The following CCNK variants were observed in gnomAD, a reference collection of about 807,000 sequenced individuals.
CCNK encodes cyclin-K.
Under a neutral mutation model 65.0 loss-of-function variants are expected in CCNK, and 9 were observed. The ratio of observed to expected loss-of-function variants is 0.14; its 90% confidence interval spans 0.08 to 0.24. The LOEUF is 0.24. CCNK is among the 10% of genes least tolerant of loss of function. The pLI is 1.00. For synonymous variants in CCNK, 279 were observed against 270.8 expected (o/e 1.03, Z -0.30); for missense variants, 474 against 720.0 (o/e 0.66, Z 3.91).
intron 1 of CCNK, among the ~76,000 whole-genome samples, chr14:99,482,337 A>G (rs769018132): frequency 2.0e-5 from 3 of 152,198 alleles, no homozygotes; most frequent in Non-Finnish European, 2.9e-5. Context: ...GTGCCCGCTA[A>G]AGGTTTGTAT....
At chr14:99,504,092 A>C in intron 9 of CCNK, 1 of 387,518 alleles carries the variant, frequency 2.6e-6, no homozygotes, top group Non-Finnish European at 5.1e-6. Context: ...CCTCTTTGAA[A>C]CACACTTGGG....
chr14:99,500,876 GA>G lies in CCNK; in HGVS notation c.517+7del. 1 of 1,485,788 alleles carries G rather than the reference GA, an allele frequency of 6.7e-7. No homozygotes were observed. The highest frequency in any genetic ancestry group is 9.1e-7 in the Non-Finnish European group (1 of 1,099,250). 92.0% of individuals were successfully genotyped at this position (1,485,788 alleles called of 1,614,324 possible). A position where few individuals can be genotyped will look rare whatever the true frequency, so the allele number is the denominator to read the frequency against. ...AATATGCAAAGCAACTCAAAGGTAA[GA>G]AGAAAGTTTTCAGAAGAATTTTTTC... On this transcript the variant is annotated splice_donor_region_variant and intron_variant, in intron 5 of 10. Transcript: ENST00000389879.
At chr14:99,483,651 A>AGGACATAG (rs1164216588) in intron 1 of CCNK, among the ~76,000 whole-genome samples, 1 of 152,278 alleles carries the variant, frequency 6.6e-6, no homozygotes, top group Non-Finnish European at 1.5e-5. Context: ...AAGTTTATTT[A>AGGACATAG]GGACATAGTC....
intron 1 of CCNK, 83 bp from the exon 2 acceptor site, chr14:99,492,543 C>A: frequency 1.3e-6 from 1 of 748,494 alleles, no homozygotes; most frequent in South Asian, 2.0e-5. Context: ...AAATAGTGAT[C>A]CCAAACCAGG....
At chr14:99,499,178 C>T (rs1039603177) in intron 4 of CCNK, among the ~76,000 whole-genome samples, 3 of 152,174 alleles carry the variant, frequency 2.0e-5, no homozygotes, top group Admixed American at 1.3e-4. Flanking sequence ...TAGGGGACTA[C>T]AGGCGCCTGC....
At chr14:99,483,394 A>G (rs922971753) in intron 1 of CCNK, among the ~76,000 whole-genome samples, 2 of 152,136 alleles carry the variant, frequency 1.3e-5, no homozygotes, top group East Asian at 3.9e-4. Context: ...ACAAAAAAAA[A>G]ATCAAAAAAT....
intron 10 of CCNK, chr14:99,509,631 G>A (rs892298445): frequency 2.4e-5 from 4 of 165,094 alleles, no homozygotes; most frequent in Non-Finnish European, 5.3e-5. Context: ...AGCCTCTCTT[G>A]AGTAGAATAG....
chr14:99,503,260 C>T (rs1896885680), intron 8 of CCNK: 41 of 639,732 alleles, frequency 6.4e-5, no homozygotes, highest in South Asian at 6.1e-4. Context: ...GGTGTCGTTG[C>T]CGTGTCCTAG....
At position 99,493,462 on chromosome 14, in the gene CCNK, A is replaced by G; in HGVS notation, c.198-52A>G. On this transcript the variant is annotated intron_variant, in intron 2 of 10. Coordinates refer to ENST00000389879, the MANE Select transcript of CCNK (RefSeq NM_001099402.2). ...TCTTTTTGTTTTTCTACATTTAACT[A>G]AGAGTATAACCTGTAAAAGTTATTG... is the stretch of plus-strand genomic sequence containing the variant. 4 of 1,099,766 alleles carry G rather than the reference A, an allele frequency of 3.6e-6. No homozygotes were observed. In the Middle Eastern group the frequency reaches 8.2e-4, roughly 226 times the overall value. 68.1% of individuals were successfully genotyped at this position (1,099,766 alleles called of 1,614,324 possible).
In CCNK at chr14:99,502,770, C is replaced by G; in HGVS notation, c.797C>G (p.Pro266Arg). The G allele has an allele frequency of 6.2e-7, 1 of 1,613,700 alleles. No individual in the cohort carries two copies. Among genetic ancestry groups the G allele is most frequent in the Non-Finnish European group, 8.5e-7 (1 of 1,179,700 alleles). ...DLYSQGKQQM[P>R]HHTPHQLQQP... Reference sequence around the variant, plus strand: ...TACTCACAAGGAAAACAACAGATGCCTCATCACACCCCCCATCAGCTGCAA... The same window carrying G: ...TACTCACAAGGAAAACAACAGATGCGTCATCACACCCCCCATCAGCTGCAA... Residue 266 changes from proline (P) to arginine (R), a missense_variant, in exon 8 of 11, where the codon CCT (proline) becomes CGT (arginine). Pro to Arg is a moderately radical substitution (Grantham distance 103, BLOSUM62 -2). This residue lies in a region of CCNK where 67 missense variants were observed against 150.2 expected (regional missense o/e 0.45). Coordinates refer to ENST00000389879, the MANE Select transcript of CCNK (RefSeq NM_001099402.2).
chr14:99,510,426 C>G lies in CCNK; in HGVS notation c.1387C>G (p.Pro463Ala), dbSNP rs1331644229. The change falls in exon 11 of 11, where the codon CCC becomes GCC. Residue 463 changes from proline (P) to alanine (A), a missense_variant. Around this residue, in one of 6 missense-constraint regions of CCNK, gnomAD observed 229 missense variants for 275.5 expected, o/e 0.83. Transcript: ENST00000389879. The stretch of plus-strand genomic sequence containing the variant: ...GGGACCCTCCTACGGTGCCCTGCCC[C>G]CCGCCTACGGCCCACCTGCACACCT... Reference protein sequence around the residue: ...TEGPSYGALPPAYGPPAHLPY... With the variant: ...TEGPSYGALPAAYGPPAHLPY... The G allele has an allele frequency of 6.5e-7, 1 of 1,548,210 alleles. No homozygotes were observed.
intron 4 of CCNK, 79 bp downstream of exon 4, chr14:99,495,708 C>T: frequency 1.6e-6 from 2 of 1,286,002 alleles, no homozygotes; most frequent in Non-Finnish European, 2.1e-6. Flanking sequence ...GTTGACAGTG[C>T]CTGTAGCCCT....
chr14:99,507,092 A>T lies in CCNK; in HGVS notation c.1062A>T (p.Lys354Asn). The T allele has an allele frequency of 6.2e-7, 1 of 1,610,728 alleles. No homozygotes were observed. Among genetic ancestry groups the T allele is most frequent in the Non-Finnish European group, 8.5e-7 (1 of 1,176,992 alleles). ...TCTTTGTAGAACCACCACCACCTAA[A>T]ATCCCCAAAATTGAGACCACTCATC... ...ENKAAEPPPPKIPKIETTHPP... is the reference protein window; with the variant it reads ...ENKAAEPPPPNIPKIETTHPP... Residue 354 changes from lysine to asparagine, a missense_variant, in exon 10 of 11, where the codon AAA becomes AAT. Around this residue, in one of 6 missense-constraint regions of CCNK, gnomAD observed 229 missense variants for 275.5 expected, o/e 0.83. Transcript: ENST00000389879.
intron 4 of CCNK, chr14:99,500,272 A>G (rs1212283915): frequency 6.5e-6 from 1 of 153,694 alleles, no homozygotes; most frequent in East Asian, 1.9e-4. Flanking sequence ...AATACACTAT[A>G]TGTGTACATG....
rs1160995415 is a variant in CCNK at position 99,511,896 on chromosome 14, C to T, written c.*1114C>T. ...CTGGAGGAGCAGCGGCCTCACTGTCCACCTTGAGGGGCCACGGCTCTGTCT... is the reference window on the plus strand; with the variant it reads ...CTGGAGGAGCAGCGGCCTCACTGTCTACCTTGAGGGGCCACGGCTCTGTCT... On this transcript the variant is annotated 3_prime_UTR_variant, in exon 11 of 11. Transcript: ENST00000389879. 2 of 152,410 alleles carry T rather than the reference C, an allele frequency of 1.3e-5. No homozygotes were observed. Among genetic ancestry groups the T allele is most frequent in the African/African-American group, 4.8e-5 (2 of 41,458 alleles). 9.4% of individuals were successfully genotyped at this position (152,410 alleles called of 1,614,324 possible). A position where few individuals can be genotyped will look rare whatever the true frequency, so the allele number is the denominator to read the frequency against.
intron 1 of CCNK, among the ~76,000 whole-genome samples, chr14:99,486,311 C>T (rs201667347): frequency 6.6e-6 from 1 of 152,148 alleles, no homozygotes; most frequent in Non-Finnish European, 1.5e-5. Context: ...GTGGGTAAAT[C>T]ATAAGTGCAT....
Position 99,510,714 on chromosome 14 carries a change from C to A in CCNK, c.1675C>A (p.Pro559Thr). Residue 559 changes from proline to threonine, a missense_variant, in exon 11 of 11, where the codon CCC becomes ACC. Pro to Thr is a conservative substitution (Grantham distance 38). Around this residue, in one of 6 missense-constraint regions of CCNK, gnomAD observed 53 missense variants for 91.4 expected, o/e 0.58. Coordinates refer to ENST00000389879, the MANE Select transcript of CCNK (RefSeq NM_001099402.2). ...AVPPGGQPPV[P>T]PPIPPPGMPP... ...CCCCCCTGGAGGACAGCCTCCTGTG[C>A]CCCCGCCCATTCCCCCACCCGGCAT... The A allele has an allele frequency of 1.4e-6, 2 of 1,416,414 alleles. No homozygotes were observed. The highest frequency in any genetic ancestry group is 1.8e-6 in the Non-Finnish European group (2 of 1,083,886). 87.7% of individuals were successfully genotyped at this position (1,416,414 alleles called of 1,614,324 possible).
At chr14:99,507,302 C>G (rs1164929573) in intron 10 of CCNK, 155 bp downstream of exon 10, 3 of 667,446 alleles carry the variant, frequency 4.5e-6, no homozygotes, top group Non-Finnish European at 8.1e-6. Context: ...TTGGGCTGGG[C>G]ACAATGGCTT....
rs1285612327 is a variant in CCNK at position 99,506,794 on chromosome 14, G to A, written c.1046-282G>A. On this transcript the variant is annotated intron_variant, in intron 9 of 10. Coordinates refer to ENST00000389879, the MANE Select transcript of CCNK (RefSeq NM_001099402.2). The stretch of plus-strand genomic sequence containing the variant: ...GTTGCTCTGCTGGTCTCACATGGTC[G>A]GAAGGACTTGAGTGAAGTGGTCAGC... The A allele has an allele frequency of 1.4e-5, 6 of 415,018 alleles. No homozygotes were observed. The East Asian group carries it at 1.6e-4, about 11-fold the overall frequency. 25.7% of individuals were successfully genotyped at this position (415,018 alleles called of 1,614,324 possible).
Sources: allele counts gnomAD v4.1 joint callset (sites outside exome capture counted in the v4.1 genomes callset), GRCh38; gene constraint gnomAD v4.1.1; regional missense constraint gnomAD v4.1.1; transcripts MANE v1.5; gene names NCBI Gene and HGNC (gene_info 2026-07-23, HGNC 2026-07-21).